Variants in MAGOHB observed in about 807,000 individuals in gnomAD.
MAGOHB encodes protein mago nashi homolog 2.
A neutral mutation model predicts 20.9 loss-of-function variants in MAGOHB; 15 were observed. The observed-to-expected ratio is 0.72, with a 90% CI of 0.48 to 1.11. The LOEUF is 1.11. Ranked by LOEUF, MAGOHB falls within the 50% of genes least tolerant of loss-of-function variation. The pLI, the probability that MAGOHB is intolerant of heterozygous loss-of-function variation, is 0.00. For missense variants in MAGOHB, 162 were observed against 177.6 expected (o/e 0.91, Z 0.50); for synonymous variants, 50 against 57.9 (o/e 0.86, Z 0.62).
chr12:10,609,119 T>C, intron 3 of MAGOHB: 1 of 166,278 alleles, frequency 6.0e-6, no homozygotes. Context: ...TAAATAATGC[T>C]TCTTTAAGCA....
intron 1 of MAGOHB, among the ~76,000 whole-genome samples, chr12:10,612,381 G>A (rs947868920): frequency 7.0e-6 from 1 of 143,568 alleles, no homozygotes; most frequent in Non-Finnish European, 1.5e-5. Context: ...CTGGGTGACA[G>A]AGTGAGACCT....
At chr12:10,608,662 G>A (rs1024612723) in intron 3 of MAGOHB, 1 of 147,136 alleles carries the variant, frequency 6.8e-6, no homozygotes, top group Non-Finnish European at 1.5e-5. Context: ...TTACTGTATA[G>A]ATTTTTCCCT....
At chr12:10,613,062 A>C (rs1865777768) in intron 1 of MAGOHB, 1 of 719,382 alleles carries the variant, frequency 1.4e-6, no homozygotes. Context: ...CCTTCAAAGA[A>C]AACACACAGC....
At chr12:10,612,568 T>C in intron 1 of MAGOHB, 1 of 683,888 alleles carries the variant, frequency 1.5e-6, no homozygotes, top group South Asian at 3.1e-5. Flanking sequence ...CATACTGCTT[T>C]ATAGTTAAAT....
chr12:10,612,591 C>T (rs1397729104), intron 1 of MAGOHB: 2 of 924,340 alleles, frequency 2.2e-6, no homozygotes, highest in Non-Finnish European at 2.7e-6. Context: ...CTGTGCCTCC[C>T]ACCAAGACAA....
chr12:10,600,153 C>T (rs1401691011), downstream of MAGOHB, among the ~76,000 whole-genome samples: 1 of 151,864 alleles, frequency 6.6e-6, no homozygotes, highest in Non-Finnish European at 1.5e-5. Flanking sequence ...ATATATTCTT[C>T]CAGTTTTTTT....
At chr12:10,612,317 G>A (rs1452299123) in intron 1 of MAGOHB, among the ~76,000 whole-genome samples, 1 of 152,034 alleles carries the variant, frequency 6.6e-6, no homozygotes, top group Non-Finnish European at 1.5e-5. Context: ...GGGATCACTT[G>A]CACTAGGGAG....
At chr12:10,612,615 AAATTT>A in intron 1 of MAGOHB, 3 of 1,058,466 alleles carry the variant, frequency 2.8e-6, no homozygotes, top group South Asian at 5.0e-5. Flanking sequence ...TGCTTTAGTT[AAATTT>A]GTCTTACTCA....
chr12:10,603,465 C>G (rs1290011399), downstream of MAGOHB, among the ~76,000 whole-genome samples: 2 of 151,720 alleles, frequency 1.3e-5, no homozygotes, highest in Non-Finnish European at 2.9e-5. Flanking sequence ...ATTGATCAAA[C>G]AGCAACCATC....
chr12:10,610,249 T>A (rs1196687950), intron 2 of MAGOHB, among the ~76,000 whole-genome samples: 1 of 152,156 alleles, frequency 6.6e-6, no homozygotes, highest in Non-Finnish European at 1.5e-5. Context: ...ACAAGATCTA[T>A]AAGGTGAACT....
downstream of MAGOHB, among the ~76,000 whole-genome samples, chr12:10,602,682 T>A (rs73256090): frequency 6.6e-6 from 1 of 152,242 alleles, no homozygotes; most frequent in East Asian, 1.9e-4. Context: ...TATGAATATA[T>A]GAAGTATTAA....
chr12:10,610,795 C>A, intron 1 of MAGOHB, 115 bp from the exon 2 acceptor site: 4 of 967,698 alleles, frequency 4.1e-6, no homozygotes, highest in South Asian at 4.1e-5. Flanking sequence ...ATTAATATTT[C>A]CTCCCTCCTT....
At chr12:10,608,390 G>C (rs1865666508) in intron 3 of MAGOHB, 1 of 153,280 alleles carries the variant, frequency 6.5e-6, no homozygotes, top group Non-Finnish European at 1.4e-5. Context: ...CTGTATGTCA[G>C]GCCCTAGTGG....
chr12:10,612,861 A>G, intron 1 of MAGOHB: 1 of 1,289,002 alleles, frequency 7.8e-7, no homozygotes, highest in Admixed American at 2.3e-5. Flanking sequence ...TTTTCTCTCA[A>G]AGGCCAAGTC....
downstream of MAGOHB, among the ~76,000 whole-genome samples, chr12:10,603,548 CAAAA>C (rs144204675): frequency 0.024 from 3,404 of 140,908 alleles, 124 homozygotes; most frequent in African/African-American, 0.081. Flanking sequence ...GACATAATGG[CAAAA>C]AAAAAAAAGG....
intron 1 of MAGOHB, among the ~76,000 whole-genome samples, chr12:10,612,362 C>T (rs1199707987): frequency 2.0e-5 from 3 of 151,850 alleles, no homozygotes; most frequent in African/African-American, 7.3e-5. Flanking sequence ...CGTGCCACTG[C>T]ACTCAGATCT....
chr12:10,600,357 G>A (rs1475752849), downstream of MAGOHB, among the ~76,000 whole-genome samples: 2 of 148,176 alleles, frequency 1.3e-5, no homozygotes, highest in Non-Finnish European at 3.0e-5. Context: ...TACTTAAATT[G>A]TTTTCAATTT....
At chr12:10,613,346 G>C in intron 1 of MAGOHB, 93 bp downstream of exon 1, 2 of 1,063,284 alleles carry the variant, frequency 1.9e-6, no homozygotes, top group Admixed American at 3.5e-5. Flanking sequence ...TTCGAGGGAA[G>C]CAGTGGCCTC....
chr12:10,601,076 A>G (rs1309970608), downstream of MAGOHB, among the ~76,000 whole-genome samples: 2 of 152,196 alleles, frequency 1.3e-5, no homozygotes, highest in Non-Finnish European at 2.9e-5. Flanking sequence ...GTCAATCCCA[A>G]ATCAGAGTAA....
Sources: allele counts gnomAD v4.1 joint callset (sites outside exome capture counted in the v4.1 genomes callset), GRCh38; gene constraint gnomAD v4.1.1; transcripts MANE v1.5; gene names NCBI Gene and HGNC (gene_info 2026-07-23, HGNC 2026-07-21).